DPYD: variants seen among roughly 807,000 people sequenced by gnomAD.
DPYD encodes dihydropyrimidine dehydrogenase [NADP(+)].
A neutral mutation model predicts 116.2 loss-of-function variants in DPYD; 109 were observed. That is an observed-to-expected ratio of 0.94 (90% confidence interval 0.80 to 1.10). The LOEUF is 1.10. Among genes scored for constraint, DPYD ranks in the 50% least tolerant of loss-of-function variants. DPYD has a pLI of 0.00. For missense variants in DPYD, 1,302 were observed against 1,254.5 expected (o/e 1.04, Z -0.57); for synonymous variants, 440 against 432.0 (o/e 1.02, Z -0.23).
chr1:97,367,072 G>C (rs556786335), intron 16 of DPYD, among the ~76,000 whole-genome samples: 2 of 152,148 alleles, frequency 1.3e-5, no homozygotes, highest in South Asian at 2.1e-4. Flanking sequence ...TGAGATAGAG[G>C]GTCTGCTAAG....
At chr1:97,397,095 A>G (rs560896573) in intron 14 of DPYD, among the ~76,000 whole-genome samples, 2 of 152,192 alleles carry the variant, frequency 1.3e-5, no homozygotes, top group Admixed American at 6.6e-5. Flanking sequence ...GTAATTTAGT[A>G]AATGTTGGTG....
chr1:97,385,149 C>T (rs879402956), intron 14 of DPYD, among the ~76,000 whole-genome samples: 2 of 151,624 alleles, frequency 1.3e-5, no homozygotes, highest in African/African-American at 4.8e-5. Flanking sequence ...TCCGCCCTTT[C>T]CAAGTGATCT....
intron 10 of DPYD, among the ~76,000 whole-genome samples, chr1:97,581,441 G>A (rs371756454): frequency 7.6e-4 from 115 of 151,358 alleles, no homozygotes; most frequent in African/African-American, 2.6e-3. Flanking sequence ...CAGTAGTGCA[G>A]ATCAAGGAAG....
intron 20 of DPYD, among the ~76,000 whole-genome samples, chr1:97,177,170 T>A (rs1201689262): frequency 6.6e-6 from 1 of 152,182 alleles, no homozygotes; most frequent in East Asian, 1.9e-4. Context: ...AAGGGCACAA[T>A]TATATTACTG....
At chr1:97,568,803 A>ATAT (rs1652703663) in intron 11 of DPYD, among the ~76,000 whole-genome samples, 2 of 152,118 alleles carry the variant, frequency 1.3e-5, no homozygotes, top group Non-Finnish European at 2.9e-5. Flanking sequence ...AAATGCACAA[A>ATAT]TATTTTTGTG....
chr1:97,156,441 C>T (rs1433753018), intron 20 of DPYD, among the ~76,000 whole-genome samples: 13 of 152,024 alleles, frequency 8.6e-5, no homozygotes, highest in Admixed American at 8.5e-4. Flanking sequence ...ACAACCCCAT[C>T]AAAAAGTGGG....
intron 15 of DPYD, among the ~76,000 whole-genome samples, chr1:97,375,641 T>C (rs1671570379): frequency 6.6e-6 from 1 of 152,220 alleles, no homozygotes; most frequent in African/African-American, 2.4e-5. Flanking sequence ...CTTACGCCTG[T>C]AGCTAAGGAA....
intron 2 of DPYD, among the ~76,000 whole-genome samples, chr1:97,866,183 C>A (rs1313187157): frequency 6.6e-6 from 1 of 151,914 alleles, no homozygotes; most frequent in East Asian, 1.9e-4. Context: ...ATTCATTCTC[C>A]TAACCACCTT....
At chr1:97,507,255 C>A (rs1348281158) in intron 13 of DPYD, among the ~76,000 whole-genome samples, 1 of 151,900 alleles carries the variant, frequency 6.6e-6, no homozygotes, top group Non-Finnish European at 1.5e-5. Context: ...ATACAGAAGT[C>A]ATCTCAGTTT....
chr1:97,727,587 T>A (rs1365292949), intron 4 of DPYD, among the ~76,000 whole-genome samples: 1 of 151,720 alleles, frequency 6.6e-6, no homozygotes, highest in Non-Finnish European at 1.5e-5. Flanking sequence ...GAGGAAAGCA[T>A]AGGCATGTTT....
intron 14 of DPYD, among the ~76,000 whole-genome samples, chr1:97,410,932 T>G (rs1256922416): frequency 6.6e-6 from 1 of 152,066 alleles, no homozygotes; most frequent in Non-Finnish European, 1.5e-5. Flanking sequence ...GCCTCTCTGA[T>G]TTGAAGGACC....
In DPYD at chr1:97,310,144, A is replaced by G. The variant is rs563401478; in HGVS notation, c.2059-3847T>C. On this transcript the variant is annotated intron_variant, in intron 16 of 22. Coordinates refer to ENST00000370192, the MANE Select transcript of DPYD (RefSeq NM_000110.4). ...TTCATTTCAAAATGGCTTTCTTAGAATCTGGCATTTCAATAAATCCACTGC... is the reference window on the plus strand; with the variant it reads ...TTCATTTCAAAATGGCTTTCTTAGAGTCTGGCATTTCAATAAATCCACTGC... Among the ~76,000 whole-genome samples, 442 of 151,940 alleles carry G rather than the reference A, an allele frequency of 2.9e-3. 1 individual carries two copies. The highest frequency in any genetic ancestry group is 4.3e-3 in the Non-Finnish European group (295 of 67,848).
intron 20 of DPYD, among the ~76,000 whole-genome samples, chr1:97,170,860 G>C (rs558316719): frequency 6.6e-6 from 1 of 152,046 alleles, no homozygotes; most frequent in South Asian, 2.1e-4. Flanking sequence ...ATTTTTAGTA[G>C]AGATGGGGTT....
intron 19 of DPYD, among the ~76,000 whole-genome samples, chr1:97,208,226 TTTCTTTCTCTTTC>T (rs756409357): frequency 1.3e-5 from 2 of 151,696 alleles, no homozygotes; most frequent in East Asian, 1.9e-4. Flanking sequence ...CTTTGTTTCT[TTTCTTTCTCTTTC>T]TTCTTTCTCT....
intron 8 of DPYD, among the ~76,000 whole-genome samples, chr1:97,654,122 A>C (rs1255520470): frequency 6.6e-6 from 1 of 152,214 alleles, no homozygotes; most frequent in Non-Finnish European, 1.5e-5. Flanking sequence ...GATGCCATTC[A>C]CAGAATTGCA....
intron 13 of DPYD, among the ~76,000 whole-genome samples, chr1:97,492,851 C>T (rs1679046070): frequency 6.6e-6 from 1 of 152,070 alleles, no homozygotes; most frequent in Admixed American, 6.6e-5. Flanking sequence ...CTAACAAAAT[C>T]CATTTGAAAT....
chr1:97,490,004 G>A (rs1209549158), intron 13 of DPYD, among the ~76,000 whole-genome samples: 2 of 152,110 alleles, frequency 1.3e-5, no homozygotes, highest in African/African-American at 4.8e-5. Flanking sequence ...ACAACAATGT[G>A]TTCCTGGTTG....
At chr1:97,290,742 A>G (rs1666084785) in intron 18 of DPYD, among the ~76,000 whole-genome samples, 1 of 151,822 alleles carries the variant, frequency 6.6e-6, no homozygotes, top group African/African-American at 2.4e-5. Flanking sequence ...CCTAGAACAA[A>G]ACCTAGGCAT....
chr1:97,487,012 T>G (rs1445230874), intron 13 of DPYD, among the ~76,000 whole-genome samples: 2 of 152,078 alleles, frequency 1.3e-5, no homozygotes, highest in Admixed American at 1.3e-4. Context: ...AGATTAGTCA[T>G]CTTTGAATCA....
Sources: gnomAD v4.1 joint callset for allele counts (sites outside exome capture counted in the v4.1 genomes callset) on GRCh38, gnomAD v4.1.1 for gene constraint, MANE v1.5 for transcripts, NCBI Gene and HGNC (gene_info 2026-07-23, HGNC 2026-07-21) for gene names.